Variants in MMS22L observed in about 807,000 individuals in gnomAD.
The protein encoded by MMS22L is protein MMS22-like.
Under a neutral mutation model 159.1 loss-of-function variants are expected in MMS22L, and 74 were observed. The ratio of observed to expected loss-of-function variants is 0.47; its 90% CI spans 0.39 to 0.56. The LOEUF is 0.56. MMS22L is among the 20% of genes least tolerant of loss of function. MMS22L has a pLI of 0.00. For synonymous variants in MMS22L, 517 were observed against 506.9 expected, an observed-to-expected ratio of 1.02 and a Z score of -0.27; for missense variants, 1,351 against 1,422.1, an observed-to-expected ratio of 0.95 and a Z score of 0.80.
At chr6:97,229,659 G>A (rs1020652729) in intron 13 of MMS22L, among the ~76,000 whole-genome samples, 2 of 152,116 alleles carry the variant, frequency 1.3e-5, no homozygotes, top group African/African-American at 2.4e-5. Context: ...AAGTAGAAAT[G>A]TTTTCATATA....
chr6:97,192,549 G>A (rs1309627872), intron 14 of MMS22L, among the ~76,000 whole-genome samples: 1 of 152,192 alleles, frequency 6.6e-6, no homozygotes, highest in African/African-American at 2.4e-5. Context: ...TAGACTGTAA[G>A]GCAAGACAAT....
At chr6:97,225,153 A>C (rs1810086602) in intron 14 of MMS22L, among the ~76,000 whole-genome samples, 1 of 152,160 alleles carries the variant, frequency 6.6e-6, no homozygotes, top group Admixed American at 6.5e-5. Context: ...TTGTGTTTCT[A>C]GTTACTATTT....
chr6:97,214,403 T>A (rs867665120), intron 14 of MMS22L, among the ~76,000 whole-genome samples: 6 of 152,220 alleles, frequency 3.9e-5, no homozygotes, highest in Non-Finnish European at 8.8e-5. Context: ...GTTGATGATA[T>A]AGTAAGCGAA....
intron 14 of MMS22L, among the ~76,000 whole-genome samples, chr6:97,223,967 G>T (rs961775971): frequency 6.6e-6 from 1 of 152,112 alleles, no homozygotes; most frequent in Non-Finnish European, 1.5e-5. Context: ...CTGCTGATTT[G>T]GGCAATATAA....
At chr6:97,270,703 ACT>A (rs1163147702) in intron 6 of MMS22L, 21 of 153,010 alleles carry the variant, frequency 1.4e-4, no homozygotes, top group Admixed American at 1.4e-3. Flanking sequence ...AAAATGCTAC[ACT>A]GACAAAACAA....
At position 97,173,138 on chromosome 6, in the gene MMS22L, C is replaced by T; in HGVS notation, c.2764G>A (p.Val922Ile). ...VTKSLEYLGE[V>I]LKYIKPYLGK... is the part of the protein sequence containing the mutation. ...AAATAAGGCTTAATATATTTTAATA[C>T]TTCACCAAGGTATTCCAAGGACTTT... Residue 922 changes from valine (V) to isoleucine (I), a missense_variant, in exon 19 of 25, where the codon GTA becomes ATA. Physicochemically the swap from Val to Ile is conservative, Grantham distance 29. Coordinates refer to ENST00000683635, the MANE Select transcript of MMS22L (RefSeq NM_001350599.2). 5 of 1,613,702 alleles carry T rather than the reference C, an allele frequency of 3.1e-6. No individual in the cohort carries two copies. Among genetic ancestry groups the T allele is most frequent in the Non-Finnish European group, 4.2e-6 (5 of 1,179,788 alleles).
intron 14 of MMS22L, among the ~76,000 whole-genome samples, chr6:97,220,861 A>AAACAAC (rs560206562): frequency 1.3e-5 from 2 of 151,816 alleles, no homozygotes; most frequent in Non-Finnish European, 2.9e-5. Context: ...TTACACACTA[A>AAACAAC]AACAACAACA....
intron 14 of MMS22L, among the ~76,000 whole-genome samples, chr6:97,209,694 GCTAT>G (rs1278791453): frequency 1.3e-5 from 2 of 151,818 alleles, no homozygotes; most frequent in Non-Finnish European, 2.9e-5. Flanking sequence ...GAATAACACA[GCTAT>G]CTCAGTATTT....
At chr6:97,271,309 C>T (rs1815713929) in intron 6 of MMS22L, 1 of 152,096 alleles carries the variant, frequency 6.6e-6, no homozygotes. Context: ...CTTTTCAAGT[C>T]TGCCTAATTA....
intron 20 of MMS22L, among the ~76,000 whole-genome samples, chr6:97,166,264 T>C (rs1218145086): frequency 6.6e-6 from 1 of 152,144 alleles, no homozygotes; most frequent in African/African-American, 2.4e-5. Flanking sequence ...TTAGTAAATA[T>C]TAAATGCTAC....
At chr6:97,231,753 C>CTCATCTTAA in intron 12 of MMS22L, 101 bp from the exon 13 acceptor site, 1 of 786,696 alleles carries the variant, frequency 1.3e-6, no homozygotes, top group East Asian at 2.7e-5. Flanking sequence ...AAAAGTCTGA[C>CTCATCTTAA]TCATCTTAAT....
Position 97,254,743 on chromosome 6 carries a change from C to T in MMS22L, c.943-10G>A, listed in dbSNP as rs762316968. Reference sequence around the variant, plus strand: ...ACCAGTTCCAAAATGACTATAGAAACAGAAGTAATTTGATTCCATTAAGAC... The same window carrying T: ...ACCAGTTCCAAAATGACTATAGAAATAGAAGTAATTTGATTCCATTAAGAC... On this transcript the variant is annotated splice_polypyrimidine_tract_variant and intron_variant, in intron 9 of 24. Transcript: ENST00000683635. The T allele has an allele frequency of 1.9e-6, 3 of 1,576,692 alleles. No homozygotes were observed. Among genetic ancestry groups the T allele is most frequent in the Non-Finnish European group, 2.6e-6 (3 of 1,165,962 alleles).
chr6:97,262,296 A>G (rs1814559870), intron 9 of MMS22L, among the ~76,000 whole-genome samples: 1 of 152,208 alleles, frequency 6.6e-6, no homozygotes, highest in Admixed American at 6.5e-5. Flanking sequence ...TGCTAAAATA[A>G]TAATTCAAAA....
chr6:97,150,333 G>A (rs143853186), intron 23 of MMS22L, among the ~76,000 whole-genome samples: 1 of 152,030 alleles, frequency 6.6e-6, no homozygotes, highest in Non-Finnish European at 1.5e-5. Context: ...TCTACATATT[G>A]AATCTGAGTG....
chr6:97,190,980 C>T (rs545973658), intron 14 of MMS22L, among the ~76,000 whole-genome samples: 112 of 152,232 alleles, frequency 7.4e-4, no homozygotes, highest in African/African-American at 2.7e-3. Flanking sequence ...GCTCAGTTAC[C>T]CTGCCTCCTT....
intron 3 of MMS22L, 69 bp from the exon 4 acceptor site, chr6:97,278,967 A>G: frequency 1.6e-6 from 2 of 1,285,290 alleles, no homozygotes; most frequent in East Asian, 2.4e-5. Flanking sequence ...TTACGTGGAC[A>G]ATGTTTCCAA....
chr6:97,150,783 G>T (rs1051548148), intron 23 of MMS22L, among the ~76,000 whole-genome samples: 1 of 152,048 alleles, frequency 6.6e-6, no homozygotes, highest in Non-Finnish European at 1.5e-5. Flanking sequence ...TGAAGGAAAC[G>T]AACGCAAATT....
At chr6:97,170,897 C>T (rs1373215011) in intron 19 of MMS22L, among the ~76,000 whole-genome samples, 1 of 152,024 alleles carries the variant, frequency 6.6e-6, no homozygotes, top group Non-Finnish European at 1.5e-5. Context: ...GTCCCAGCTA[C>T]TCAGGAGACT....
Position 97,154,891 on chromosome 6 carries a change from G to A in MMS22L, c.3386-3024C>T, listed in dbSNP as rs573788936. On this transcript the variant is annotated intron_variant, in intron 22 of 24. Transcript: ENST00000683635. The stretch of plus-strand genomic sequence containing the variant: ...CATGTTTTGAAATCAAGAAGTATGC[G>A]TTTTCCAGCTTTCTTCTTCTTTTTC... Among the ~76,000 whole-genome samples, 9 of 152,226 alleles carry A rather than the reference G, an allele frequency of 5.9e-5. No homozygotes were observed. In the South Asian group the frequency reaches 1.0e-3, roughly 18 times the overall value.
Sources: allele counts gnomAD v4.1 joint callset (sites outside exome capture counted in the v4.1 genomes callset), GRCh38; gene constraint gnomAD v4.1.1; transcripts MANE v1.5; gene names NCBI Gene and HGNC (gene_info 2026-07-23, HGNC 2026-07-21).